The following LNX1 variants were observed in gnomAD, a reference collection of about 807,000 sequenced individuals.
LNX1 encodes ligand of numb-protein X 1.
Under a neutral mutation model 68.4 loss-of-function variants are expected in LNX1, and 54 were observed. That is an observed-to-expected ratio of 0.79 (90% CI 0.63 to 0.99). The LOEUF (loss-of-function observed/expected upper bound fraction) is 0.99. LNX1 is among the 50% of genes least tolerant of loss of function. LNX1 has a pLI of 0.00. For synonymous variants in LNX1, 336 were observed against 350.0 expected (o/e 0.96, Z 0.45); for missense variants, 906 against 926.4 (o/e 0.98, Z 0.29).
At chr4:53,498,503 T>G in intron 5 of LNX1, 138 bp downstream of exon 5, 1 of 644,814 alleles carries the variant, frequency 1.6e-6, no homozygotes, top group Non-Finnish European at 2.7e-6. Context: ...TCTCAGAGAG[T>G]CATAAAATGA....
chr4:53,594,146 T>C (rs1450089080), upstream of LNX1: 1 of 149,958 alleles, frequency 6.7e-6, no homozygotes, highest in Non-Finnish European at 1.5e-5. Context: ...GTATAATATA[T>C]ATATATATAT....
chr4:53,503,432 T>G (rs1422526684), intron 4 of LNX1, among the ~76,000 whole-genome samples: 1 of 152,244 alleles, frequency 6.6e-6, no homozygotes, highest in Admixed American at 6.5e-5. Context: ...TTATCAGGCA[T>G]GAAAACATCA....
upstream of LNX1, among the ~76,000 whole-genome samples, chr4:53,593,568 T>C (rs1732610660): frequency 6.6e-6 from 1 of 152,010 alleles, no homozygotes; most frequent in Admixed American, 6.6e-5. Flanking sequence ...GTATAGTGTA[T>C]AAAGGAAGAG....
chr4:53,496,307 T>C lies in LNX1; in HGVS notation c.1066A>G (p.Met356Val), dbSNP rs1190884009. Reference protein sequence around the residue: ...QPCQVLWLTVMREQKFRSRNN... With the variant: ...QPCQVLWLTVVREQKFRSRNN... ...CTGCTGCGGAACTTCTGTTCACGCA[T>C]CACAGTCAGCCACAGCACCTGGCAG... The change falls in exon 6 of 11, where the codon ATG becomes GTG. Residue 356 changes from methionine to valine, a missense_variant. Transcript: ENST00000263925. The C allele has an allele frequency of 1.2e-6, 2 of 1,614,142 alleles. No homozygotes were observed. Among genetic ancestry groups the C allele is most frequent in the South Asian group, 1.1e-5 (1 of 91,074 alleles).
intron 2 of LNX1, among the ~76,000 whole-genome samples, chr4:53,605,924 G>A (rs1415396112): frequency 5.3e-5 from 8 of 152,136 alleles, no homozygotes; most frequent in Non-Finnish European, 1.0e-4. Context: ...TGGTGATTCC[G>A]TTTCCCAGAA....
chr4:53,636,179 CTTTT>C (rs11440722), intron 1 of LNX1, among the ~76,000 whole-genome samples: 2 of 85,224 alleles, frequency 2.3e-5, no homozygotes, highest in Non-Finnish European at 4.2e-5. Context: ...TCTATTACTC[CTTTT>C]TTTTTTTTTT....
chr4:53,470,056 C>A (rs907556567), intron 9 of LNX1, among the ~76,000 whole-genome samples: 8 of 152,156 alleles, frequency 5.3e-5, no homozygotes, highest in Non-Finnish European at 1.0e-4. Context: ...AATTTGAGAC[C>A]AATATCCTGG....
chr4:53,498,693 T>A lies in LNX1; in HGVS notation c.926A>T (p.Asp309Val). The part of the protein sequence containing the change: ...VHIIIQHIYR[D>V]GVIARDGRLL... ...CCGGCCGTCTCTGGCGATCACCCCA[T>A]CACGATAAATGTGTTGGATAATGAT... Residue 309 changes from aspartate (D) to valine (V), a missense_variant, in exon 5 of 11, where the codon GAT becomes GTT. Asp to Val is a radical substitution (Grantham distance 152). Coordinates refer to ENST00000263925, the MANE Select transcript of LNX1 (RefSeq NM_001126328.3). The A allele has an allele frequency of 6.2e-7, 1 of 1,614,072 alleles. No homozygotes were observed. The highest frequency in any genetic ancestry group is 8.5e-7 in the Non-Finnish European group (1 of 1,179,950).
intron 1 of LNX1, among the ~76,000 whole-genome samples, chr4:53,639,406 A>G (rs1734594599): frequency 6.6e-6 from 1 of 152,168 alleles, no homozygotes; most frequent in Non-Finnish European, 1.5e-5. Context: ...TGACAGGATC[A>G]TTTGTACCCC....
At chr4:53,648,421 C>T (rs1433807076) in intron 1 of LNX1, among the ~76,000 whole-genome samples, 1 of 152,036 alleles carries the variant, frequency 6.6e-6, no homozygotes, top group African/African-American at 2.4e-5. Flanking sequence ...GGAGAAATGT[C>T]CATGCAAGTC....
intron 2 of LNX1, among the ~76,000 whole-genome samples, chr4:53,540,722 A>T (rs566336855): frequency 6.6e-6 from 1 of 152,192 alleles, no homozygotes; most frequent in African/African-American, 2.4e-5. Context: ...CCCTGTTATT[A>T]TTATAAACAG....
chr4:53,611,490 T>A (rs1460964673), intron 2 of LNX1, among the ~76,000 whole-genome samples: 2 of 152,242 alleles, frequency 1.3e-5, no homozygotes, highest in South Asian at 4.1e-4. Flanking sequence ...GATAAAGTGA[T>A]CTTAAAGTTT....
intron 2 of LNX1, among the ~76,000 whole-genome samples, chr4:53,608,164 A>C (rs1733307460): frequency 6.6e-6 from 1 of 152,230 alleles, no homozygotes; most frequent in South Asian, 2.1e-4. Flanking sequence ...AGAAGTGATC[A>C]ACAGAGTAAA....
chr4:53,478,976 C>T (rs530394101), intron 7 of LNX1, among the ~76,000 whole-genome samples: 1 of 152,280 alleles, frequency 6.6e-6, no homozygotes, highest in South Asian at 2.1e-4. Flanking sequence ...GTCCCAAATT[C>T]TACAGGTTAA....
chr4:53,540,950 A>G (rs1170407214), intron 2 of LNX1, among the ~76,000 whole-genome samples: 1 of 151,982 alleles, frequency 6.6e-6, no homozygotes, highest in African/African-American at 2.4e-5. Flanking sequence ...TAGCCTGGCC[A>G]ACATGGTGAA....
chr4:53,572,709 A>G (rs1449867723), intron 2 of LNX1, among the ~76,000 whole-genome samples: 2 of 152,214 alleles, frequency 1.3e-5, no homozygotes, highest in African/African-American at 4.8e-5. Context: ...AGTGGACAAA[A>G]TGAGAGGCAG....
chr4:53,610,624 C>T (rs1733440986), intron 2 of LNX1, among the ~76,000 whole-genome samples: 1 of 148,490 alleles, frequency 6.7e-6, no homozygotes, highest in East Asian at 2.0e-4. Flanking sequence ...AGGAGAATGG[C>T]GTGAACCCGG....
At chr4:53,568,675 G>A (rs934556925) in intron 2 of LNX1, among the ~76,000 whole-genome samples, 6 of 151,478 alleles carry the variant, frequency 4.0e-5, no homozygotes, top group Non-Finnish European at 8.8e-5. Context: ...AATTAGGCAG[G>A]AGAAGGAAAT....
intron 2 of LNX1, among the ~76,000 whole-genome samples, chr4:53,597,137 G>A (rs1194110268): frequency 6.6e-6 from 1 of 151,976 alleles, no homozygotes; most frequent in East Asian, 1.9e-4. Context: ...CTTTTTCTAC[G>A]AGCCTGGAGA....
Sources: allele counts gnomAD v4.1 joint callset (sites outside exome capture counted in the v4.1 genomes callset), GRCh38; gene constraint gnomAD v4.1.1; transcripts MANE v1.5; gene names NCBI Gene and HGNC (gene_info 2026-07-23, HGNC 2026-07-21).